Variants in CSNK1G1 observed in about 807,000 individuals in gnomAD.
The protein encoded by CSNK1G1 is casein kinase I isoform gamma-1.
Under a neutral mutation model 59.6 loss-of-function variants are expected in CSNK1G1, and 22 were observed. That is an observed-to-expected ratio of 0.37 (90% CI 0.26 to 0.53). The LOEUF is 0.53. Ranked by LOEUF, CSNK1G1 falls within the 20% of genes least tolerant of loss-of-function variation. The pLI is 0.89. For missense variants in CSNK1G1, 384 were observed against 519.5 expected (o/e 0.74, Z 2.54); for synonymous variants, 179 against 177.1 (o/e 1.01, Z -0.08).
intron 1 of CSNK1G1, among the ~76,000 whole-genome samples, chr15:64,333,009 C>A (rs1897194267): frequency 1.3e-5 from 2 of 152,100 alleles, no homozygotes; most frequent in Non-Finnish European, 2.9e-5. Flanking sequence ...GTAATCCCAG[C>A]ACTTTGGGAG....
intron 4 of CSNK1G1, among the ~76,000 whole-genome samples, chr15:64,249,258 G>C (rs555723380): frequency 6.6e-6 from 1 of 152,184 alleles, no homozygotes; most frequent in Admixed American, 6.5e-5. Context: ...TAGTCAAGCC[G>C]ATTTAGATGA....
At chr15:64,186,514 T>C (rs1374897329) in intron 10 of CSNK1G1, among the ~76,000 whole-genome samples, 3 of 152,306 alleles carry the variant, frequency 2.0e-5, no homozygotes, top group Admixed American at 1.3e-4. Flanking sequence ...TGTTTTGTTT[T>C]GTTTTGTTTT....
At chr15:64,293,316 A>G (rs1188867544) in intron 2 of CSNK1G1, among the ~76,000 whole-genome samples, 1 of 152,230 alleles carries the variant, frequency 6.6e-6, no homozygotes, top group Non-Finnish European at 1.5e-5. Flanking sequence ...CAAAGGCCAC[A>G]TAGAAATACT....
At chr15:64,346,462 ATTT>A (rs1201751550) in intron 1 of CSNK1G1, among the ~76,000 whole-genome samples, 1 of 149,042 alleles carries the variant, frequency 6.7e-6, no homozygotes, top group Admixed American at 6.8e-5. Flanking sequence ...TTATTTATTT[ATTT>A]ATTTATTTTG....
chr15:64,194,169 A>G (rs1050135955), intron 10 of CSNK1G1: 7 of 152,138 alleles, frequency 4.6e-5, no homozygotes, highest in African/African-American at 7.2e-5. Flanking sequence ...GGAGTGTGCA[A>G]TCTCTGTCTG....
chr15:64,243,325 G>A (rs1366264639), intron 4 of CSNK1G1, among the ~76,000 whole-genome samples: 2 of 151,866 alleles, frequency 1.3e-5, no homozygotes, highest in Non-Finnish European at 2.9e-5. Context: ...GACAGAGCGA[G>A]ACTCCATCTC....
At chr15:64,261,567 C>A (rs1191903791) in intron 2 of CSNK1G1, among the ~76,000 whole-genome samples, 2 of 151,936 alleles carry the variant, frequency 1.3e-5, no homozygotes, top group Non-Finnish European at 2.9e-5. Flanking sequence ...TGCCATTGCA[C>A]TCCAGCATGG....
At chr15:64,318,078 T>C (rs1424072852) in intron 1 of CSNK1G1, among the ~76,000 whole-genome samples, 2 of 152,046 alleles carry the variant, frequency 1.3e-5, no homozygotes, top group African/African-American at 4.8e-5. Context: ...TTCTTCCAGG[T>C]AGAAGTAAGC....
At chr15:64,355,131 C>G (rs1207288041) in intron 1 of CSNK1G1, among the ~76,000 whole-genome samples, 1 of 152,190 alleles carries the variant, frequency 6.6e-6, no homozygotes, top group Non-Finnish European at 1.5e-5. Flanking sequence ...CTTGCCTAGA[C>G]CTGTGATACA....
chr15:64,217,493 A>AT (rs1428107904), intron 4 of CSNK1G1, among the ~76,000 whole-genome samples: 1 of 152,214 alleles, frequency 6.6e-6, no homozygotes, highest in Non-Finnish European at 1.5e-5. Flanking sequence ...CACTAAATAT[A>AT]TAACTGGTAC....
chr15:64,232,488 A>G (rs1292753657), intron 4 of CSNK1G1, among the ~76,000 whole-genome samples: 2 of 152,214 alleles, frequency 1.3e-5, no homozygotes, highest in Non-Finnish European at 1.5e-5. Flanking sequence ...AATACAGTAG[A>G]TACATAATTC....
At chr15:64,316,874 G>C (rs1490269685) in intron 1 of CSNK1G1, 1 of 152,026 alleles carries the variant, frequency 6.6e-6, no homozygotes, top group African/African-American at 2.4e-5. Context: ...TTGCTCAATC[G>C]ATCATGACCC....
chr15:64,203,246 G>A (rs1421330700), intron 9 of CSNK1G1, 57 bp from the exon 10 acceptor site: 1 of 1,031,262 alleles, frequency 9.7e-7, no homozygotes, highest in Middle Eastern at 2.0e-4. Flanking sequence ...TGATGCATAT[G>A]CAAAGGACAG....
chr15:64,278,433 T>TC (rs1491227224), intron 2 of CSNK1G1, among the ~76,000 whole-genome samples: 1 of 123,346 alleles, frequency 8.1e-6, no homozygotes, highest in African/African-American at 3.2e-5. Flanking sequence ...TATATATATA[T>TC]TTTTTTTTTT....
Position 64,253,878 on chromosome 15 carries a change from G to A in CSNK1G1, c.223-2297C>T, listed in dbSNP as rs545386175. 2.3e-4 allele frequency among the ~76,000 whole-genome samples: 35 copies of A among 152,214 alleles called. No individual in the cohort carries two copies. In the South Asian group the frequency reaches 4.4e-3, roughly 19 times the overall value. On this transcript the variant is annotated intron_variant, in intron 3 of 11. Coordinates refer to ENST00000303052, the MANE Select transcript of CSNK1G1 (RefSeq NM_022048.5). ...CCAGTAGCCAGGCGCGGTGGCTCAC[G>A]CCTGTAATCCTAGCACTTTGGGAGG...
At chr15:64,273,077 T>C (rs4776415) in intron 2 of CSNK1G1, among the ~76,000 whole-genome samples, 52,818 of 152,148 alleles carry the variant, frequency 0.35, 10,377 homozygotes, top group East Asian at 0.85. Context: ...AAAATCACAG[T>C]GTCCAAGAAC....
chr15:64,182,593 T>A (rs907864784), intron 10 of CSNK1G1, among the ~76,000 whole-genome samples: 1 of 152,194 alleles, frequency 6.6e-6, no homozygotes, highest in Non-Finnish European at 1.5e-5. Context: ...TATTAGATAT[T>A]ATGAAATTAA....
intron 1 of CSNK1G1, among the ~76,000 whole-genome samples, chr15:64,318,799 C>G (rs547659381): frequency 6.6e-6 from 1 of 151,752 alleles, no homozygotes; most frequent in Admixed American, 6.6e-5. Context: ...TTAGTAGAGA[C>G]GAGGTTTCAC....
intron 10 of CSNK1G1, chr15:64,181,079 A>G: frequency 7.8e-7 from 1 of 1,287,270 alleles, no homozygotes; most frequent in South Asian, 1.6e-5. Flanking sequence ...AAATTTCCTC[A>G]TGGCTTTGAG....
Sources: gnomAD v4.1 joint callset for allele counts (sites outside exome capture counted in the v4.1 genomes callset) on GRCh38, gnomAD v4.1.1 for gene constraint, MANE v1.5 for transcripts, NCBI Gene and HGNC (gene_info 2026-07-23, HGNC 2026-07-21) for gene names.